PPP1R12C: variants seen among roughly 807,000 people sequenced by gnomAD.
The protein encoded by PPP1R12C is leukocyte receptor cluster (LRC) encoded novel gene 3.
Under a neutral mutation model 95.6 loss-of-function variants are expected in PPP1R12C, and 48 were observed. The ratio of observed to expected loss-of-function variants is 0.50; its 90% CI spans 0.40 to 0.64. The LOEUF (loss-of-function observed/expected upper bound fraction) is 0.64. PPP1R12C is among the 30% of genes least tolerant of loss of function. PPP1R12C has a pLI of 0.00. For synonymous variants in PPP1R12C, 480 were observed against 460.8 expected (o/e 1.04, Z -0.53); for missense variants, 1,057 against 1,083.3 (o/e 0.98, Z 0.34).
rs1371178881 is a variant in PPP1R12C at position 55,092,214 on chromosome 19, G to A, written c.2160+8C>T. On this transcript the variant is annotated splice_region_variant and intron_variant, in intron 19 of 21. Transcript: ENST00000263433. ...CAGTTCCCGTGACCCTGGCCTCGGC[G>A]CCCTTACCTGCGTGGCCCGCTCCAG... 2.6e-6 allele frequency: 4 copies of A among 1,560,804 alleles called. No homozygotes were observed. Among genetic ancestry groups the A allele is most frequent in the African/African-American group, 1.4e-5 (1 of 73,814 alleles).
At chr19:55,101,204 C>T (rs558268456) in intron 4 of PPP1R12C, among the ~76,000 whole-genome samples, 39 of 152,032 alleles carry the variant, frequency 2.6e-4, no homozygotes, top group African/African-American at 7.0e-4. Flanking sequence ...GCTGAGACCG[C>T]GCCACTGCAC....
intron 3 of PPP1R12C, among the ~76,000 whole-genome samples, chr19:55,108,034 C>T (rs2085057451): frequency 6.7e-6 from 1 of 149,064 alleles, no homozygotes; most frequent in South Asian, 2.1e-4. Flanking sequence ...CTCCTGGGTT[C>T]AAGCAATTCT....
intron 11 of PPP1R12C, chr19:55,095,077 C>T: frequency 1.4e-6 from 1 of 695,946 alleles, no homozygotes; most frequent in Non-Finnish European, 2.4e-6. Flanking sequence ...GGTCAGTGTG[C>T]ACCTCGGGGT....
chr19:55,108,182 C>T (rs912581038), intron 3 of PPP1R12C, among the ~76,000 whole-genome samples: 1 of 152,000 alleles, frequency 6.6e-6, no homozygotes, highest in African/African-American at 2.4e-5. Flanking sequence ...GTGATCTGCC[C>T]ACCTCGGCCT....
At chr19:55,104,613 G>A (rs1307675259) in intron 3 of PPP1R12C, among the ~76,000 whole-genome samples, 5 of 151,762 alleles carry the variant, frequency 3.3e-5, no homozygotes, top group Non-Finnish European at 7.4e-5. Flanking sequence ...TGAGGCGGAA[G>A]GATCTCTTGA....
At chr19:55,094,484 C>T in intron 12 of PPP1R12C, 49 bp from the exon 13 acceptor site, 1 of 1,607,160 alleles carries the variant, frequency 6.2e-7, no homozygotes, top group Non-Finnish European at 8.5e-7. Flanking sequence ...GACCCTGTCC[C>T]ATTCCGTGGC....
chr19:55,114,865 T>G (rs1417822399), intron 1 of PPP1R12C: 1 of 138,236 alleles, frequency 7.2e-6, no homozygotes, highest in Non-Finnish European at 1.6e-5. Flanking sequence ...CTGGGGCCTC[T>G]GGGGGATGCA....
In PPP1R12C at chr19:55,096,233, G is replaced by A. The variant is rs767046358; in HGVS notation, c.1025+29C>T. 11 of 1,613,484 alleles carry A rather than the reference G, an allele frequency of 6.8e-6. No individual in the cohort carries two copies. In the South Asian group the frequency reaches 9.9e-5, roughly 14 times the overall value. On this transcript the variant is annotated intron_variant, in intron 7 of 21. Coordinates refer to ENST00000263433, the MANE Select transcript of PPP1R12C (RefSeq NM_017607.4). Reference sequence around the variant, plus strand: ...CAAGCCCGGGGCCTCCAGCCACCCCGCCAGCCCTGGACTCCTCCCTCCCTA... The same window carrying A: ...CAAGCCCGGGGCCTCCAGCCACCCCACCAGCCCTGGACTCCTCCCTCCCTA...
chr19:55,113,655 C>G (rs1028514846), intron 1 of PPP1R12C: 6 of 1,211,566 alleles, frequency 5.0e-6, no homozygotes, highest in Middle Eastern at 2.8e-4. Flanking sequence ...TAAATTACCC[C>G]CCAAGTCCCT....
At chr19:55,093,392 C>CTTA (rs199718062) in intron 13 of PPP1R12C, among the ~76,000 whole-genome samples, 159 bp from the exon 14 acceptor site, 1,201 of 3,652 alleles carry the variant, frequency 0.33, 314 homozygotes, top group East Asian at 0.85. Flanking sequence ...ACCTCCAGCC[C>CTTA]CTCCTCCCTC....
At chr19:55,100,646 A>G (rs186349755) in intron 4 of PPP1R12C, among the ~76,000 whole-genome samples, 60 of 152,306 alleles carry the variant, frequency 3.9e-4, no homozygotes, top group Admixed American at 2.0e-3. Flanking sequence ...GGAGTCTCAC[A>G]CTGTCACCCA....
intron 3 of PPP1R12C, among the ~76,000 whole-genome samples, chr19:55,105,205 C>T (rs1167698494): frequency 6.6e-6 from 1 of 152,104 alleles, no homozygotes; most frequent in African/African-American, 2.4e-5. Flanking sequence ...CCGGCATGAG[C>T]CACCACACCT....
chr19:55,092,372 TG>T (rs772533005), intron 18 of PPP1R12C, 46 bp from the exon 19 acceptor site: 41 of 1,003,342 alleles, frequency 4.1e-5, no homozygotes, highest in Middle Eastern at 2.1e-4. Context: ...GGGGCGATGC[TG>T]GGGGGGCGGG....
At chr19:55,106,527 C>G (rs2085040644) in intron 3 of PPP1R12C, among the ~76,000 whole-genome samples, 1 of 152,232 alleles carries the variant, frequency 6.6e-6, no homozygotes, top group Admixed American at 6.5e-5. Flanking sequence ...AAGGGTAACT[C>G]CCCCTCTTCC....
chr19:55,112,537 C>T lies in PPP1R12C; in HGVS notation c.501G>A (p.Gly167=). 6 of 1,613,242 alleles carry T rather than the reference C, an allele frequency of 3.7e-6. No individual in the cohort carries two copies. Among genetic ancestry groups the T allele is most frequent in the Non-Finnish European group, 3.4e-6 (4 of 1,179,766 alleles). The part of the protein sequence containing the change: ...GANIAAVNSD[G]DLPLDLAESD... ...ACTCGGCCAGGTCCAGGGGCAGGTC[C>T]CCGTCACTGTTGACGGCGGCGATGT... Residue 167 remains glycine, a synonymous_variant, in exon 3 of 22, where the codon GGG becomes GGA. Coordinates refer to ENST00000263433, the MANE Select transcript of PPP1R12C (RefSeq NM_017607.4).
chr19:55,110,084 G>A (rs1603002584), intron 3 of PPP1R12C, among the ~76,000 whole-genome samples: 2 of 152,148 alleles, frequency 1.3e-5, no homozygotes, highest in Admixed American at 1.3e-4. Flanking sequence ...AATTTCTGCA[G>A]GAAAATACAA....
intron 3 of PPP1R12C, among the ~76,000 whole-genome samples, chr19:55,104,161 TA>T (rs1183787714): frequency 2.5e-3 from 128 of 50,306 alleles, no homozygotes; most frequent in African/African-American, 5.8e-3. Context: ...AGACTCTGTC[TA>T]AAAAAAAAAA....
chr19:55,106,269 C>T (rs1191926506), intron 3 of PPP1R12C, among the ~76,000 whole-genome samples: 3 of 152,170 alleles, frequency 2.0e-5, no homozygotes, highest in Non-Finnish European at 4.4e-5. Context: ...GTGTGGGCTC[C>T]GACCTCTTAC....
chr19:55,100,505 C>G (rs943088062), intron 4 of PPP1R12C, among the ~76,000 whole-genome samples: 2 of 152,268 alleles, frequency 1.3e-5, no homozygotes, highest in African/African-American at 4.8e-5. Context: ...TTCCCTGGCA[C>G]CTAACAGACT....
Sources: allele counts gnomAD v4.1 joint callset (sites outside exome capture counted in the v4.1 genomes callset), GRCh38; gene constraint gnomAD v4.1.1; transcripts MANE v1.5; gene names NCBI Gene and HGNC (gene_info 2026-07-23, HGNC 2026-07-21).